NKAPD1: variants seen among roughly 807,000 people sequenced by gnomAD.
NKAPD1 encodes the protein NKAP domain containing 1, also known as uncharacterized protein NKAPD1.
A neutral mutation model predicts 30.9 loss-of-function variants in NKAPD1; 12 were observed. The observed-to-expected ratio is 0.39, with a 90% CI of 0.25 to 0.63. The LOEUF (loss-of-function observed/expected upper bound fraction) is 0.63. Among genes scored for constraint, NKAPD1 ranks in the 20% least tolerant of loss-of-function variants. The pLI is 0.51. For missense variants in NKAPD1, 311 were observed against 344.5 expected, an observed-to-expected ratio of 0.90 and a Z score of 0.77; for synonymous variants, 91 against 113.6, an observed-to-expected ratio of 0.80 and a Z score of 1.26.
Position 112,082,625 on chromosome 11 carries a change from G to T in NKAPD1, c.535G>T (p.Asp179Tyr). The part of the protein sequence containing the change: ...KQKKSKKEAT[D>Y]ITADSSSEFS... ...GAAGAAAAGCAAAAAGGAAGCCACA[G>T]ATATAACAGCAGATTCCTCGAGTGA... Residue 179 changes from aspartate (D) to tyrosine (Y), a missense_variant, in exon 6 of 6, where the codon GAT becomes TAT. By Grantham distance (160) the Asp-to-Tyr change is radical. Transcript: ENST00000393047. The T allele has an allele frequency of 6.2e-7, 1 of 1,613,696 alleles. No homozygotes were observed. The highest frequency in any genetic ancestry group is 1.6e-4 in the Middle Eastern group (1 of 6,062).
At chr11:112,080,625 T>C (rs778604733) in intron 4 of NKAPD1, 67 bp downstream of exon 4, 4 of 1,541,356 alleles carry the variant, frequency 2.6e-6, no homozygotes, top group Admixed American at 2.1e-5. Flanking sequence ...AAATTAATTG[T>C]CCCCACAAAA....
At position 112,082,707 on chromosome 11, in the gene NKAPD1, G is replaced by C. The variant is rs1396120082; in HGVS notation, c.617G>C (p.Arg206Pro). The change falls in exon 6 of 6, where the codon CGC becomes CCC. Residue 206 changes from arginine (R) to proline (P), a missense_variant. Arg to Pro is a moderately radical substitution (Grantham distance 103). Coordinates refer to ENST00000393047, the MANE Select transcript of NKAPD1 (RefSeq NM_018195.4). ...GTRKGKQPHK[R>P]KKKSRKKSLK... ...AGGAAAGGGAAACAACCACATAAAC[G>C]CAAGAAAAAATCCAGGAAAAAGTCT... The C allele has an allele frequency of 6.2e-7, 1 of 1,613,756 alleles. No individual in the cohort carries two copies. Among genetic ancestry groups the C allele is most frequent in the African/African-American group, 1.3e-5 (1 of 74,860 alleles).
chr11:112,075,148 T>C (rs905620988), intron 1 of NKAPD1, among the ~76,000 whole-genome samples: 14 of 152,216 alleles, frequency 9.2e-5, no homozygotes, highest in African/African-American at 2.7e-4. Flanking sequence ...GCAAACTATA[T>C]TGGGATTGGA....
rs1418430358 is a variant in NKAPD1 at position 112,075,590 on chromosome 11, C to A, written c.16C>A (p.Leu6Met). The A allele has an allele frequency of 1.2e-6, 2 of 1,608,334 alleles. No individual in the cohort carries two copies. The highest frequency in any genetic ancestry group is 1.7e-6 in the Non-Finnish European group (2 of 1,178,548). ...AGATTGAAGAATGTCCCGGATTCCA[C>A]TGGGGAAGGTCCTCCTGAGGAATGT... is the stretch of plus-strand genomic sequence containing the variant. MSRIP[L>M]GKVLLRNVIR... The change falls in exon 2 of 6, where the codon CTG becomes ATG. Residue 6 changes from leucine (L) to methionine (M), a missense_variant. By Grantham distance (15) the Leu-to-Met change is conservative (BLOSUM62 2). Transcript: ENST00000393047.
rs1592759289 is a variant in NKAPD1, at chr11:112,074,327, CT to C, written c.-597del. 1.5e-5 allele frequency: 6 copies of C among 399,172 alleles called. No individual in the cohort carries two copies. Among genetic ancestry groups the C allele is most frequent in the African/African-American group, 8.2e-5 (4 of 48,636 alleles). 24.7% of individuals were successfully genotyped at this position (399,172 alleles called of 1,614,324 possible). On this transcript the variant is annotated 5_prime_UTR_variant, in exon 1 of 6. Coordinates refer to ENST00000393047, the MANE Select transcript of NKAPD1 (RefSeq NM_018195.4). ...TTTCTCCCAAACCACTTCTTCCCCC[CT>C]ACCCCCCGCCACGCGAGGCTGCGGC... is the stretch of plus-strand genomic sequence containing the variant.
rs1470023490 is a variant in NKAPD1, at chr11:112,081,899, A to G, written c.321-83A>G. 14 of 1,084,064 alleles carry G rather than the reference A, an allele frequency of 1.3e-5. No individual in the cohort carries two copies. The East Asian group carries it at 3.3e-4, about 26-fold the overall frequency. The allele number at this position is 1,084,064 out of a possible 1,614,324, so 67.2% of individuals were successfully genotyped here. On this transcript the variant is annotated intron_variant, in intron 4 of 5. Coordinates refer to ENST00000393047, the MANE Select transcript of NKAPD1 (RefSeq NM_018195.4). ...TGTGTTTATGTTTGTGTATGCATGTACTCCAAAGTCTTTCTAATGTTGCTT... is the reference window on the plus strand; with the variant it reads ...TGTGTTTATGTTTGTGTATGCATGTGCTCCAAAGTCTTTCTAATGTTGCTT...
chr11:112,080,662 C>T, intron 4 of NKAPD1, 104 bp downstream of exon 4: 1 of 1,331,744 alleles, frequency 7.5e-7, no homozygotes, highest in Non-Finnish European at 1.0e-6. Flanking sequence ...TTCATACCAG[C>T]ATTATTAATA....
intron 5 of NKAPD1, 64 bp downstream of exon 5, chr11:112,082,099 T>C: frequency 1.5e-6 from 2 of 1,378,990 alleles, no homozygotes; most frequent in Non-Finnish European, 2.0e-6. Flanking sequence ...TAAATTGATT[T>C]CTTAACTTTT....
chr11:112,083,216 A>G lies in NKAPD1; in HGVS notation c.*244A>G, dbSNP rs1040889505. 6 of 390,302 alleles carry G rather than the reference A, an allele frequency of 1.5e-5. No individual in the cohort carries two copies. Among genetic ancestry groups the G allele is most frequent in the Admixed American group, 1.2e-4 (3 of 24,060 alleles). 24.2% of individuals were successfully genotyped at this position (390,302 alleles called of 1,614,324 possible). ...AAGAGATTATTTTTTTTTGCAATTA[A>G]TTACGTTTAGTGTAGAGTGCATATA... On this transcript the variant is annotated 3_prime_UTR_variant, in exon 6 of 6. Coordinates refer to ENST00000393047, the MANE Select transcript of NKAPD1 (RefSeq NM_018195.4).
intron 5 of NKAPD1, 124 bp downstream of exon 5, chr11:112,082,159 AT>A: frequency 1.2e-6 from 1 of 841,186 alleles, no homozygotes; most frequent in Non-Finnish European, 1.9e-6. Context: ...ACAATAGGTG[AT>A]TTAGTTAGGA....
intron 2 of NKAPD1, among the ~76,000 whole-genome samples, chr11:112,076,493 C>CG (rs1378836720): frequency 6.6e-6 from 1 of 152,114 alleles, no homozygotes; most frequent in East Asian, 1.9e-4. Context: ...CCTGCATAGT[C>CG]GAAAATCCAT....
At chr11:112,075,331 T>G (rs45557133) in intron 1 of NKAPD1, among the ~76,000 whole-genome samples, 3,092 of 152,306 alleles carry the variant, frequency 0.02, 47 homozygotes, top group South Asian at 0.032. Context: ...GCACTTAATT[T>G]TATGTAGTCT....
Position 112,084,902 on chromosome 11 carries a change from G to C in NKAPD1, c.*1930G>C, listed in dbSNP as rs1034795420. On this transcript the variant is annotated 3_prime_UTR_variant, in exon 6 of 6. Transcript: ENST00000393047. Reference sequence around the variant, plus strand: ...TTCTTAACCCCAAATTTTCTTCTATGCCTTAGGCTTCGATGGTTCTTCCAA... The same window carrying C: ...TTCTTAACCCCAAATTTTCTTCTATCCCTTAGGCTTCGATGGTTCTTCCAA... The C allele has an allele frequency of 3.6e-5, 5 of 140,208 alleles. No homozygotes were observed. Among genetic ancestry groups the C allele is most frequent in the African/African-American group, 1.4e-4 (5 of 36,086 alleles). 8.7% of individuals were successfully genotyped at this position (140,208 alleles called of 1,614,324 possible). A position where few individuals can be genotyped will look rare whatever the true frequency, so the allele number is the denominator to read the frequency against.
At chr11:112,079,272 A>G (rs762201720) in intron 3 of NKAPD1, among the ~76,000 whole-genome samples, 24 of 151,278 alleles carry the variant, frequency 1.6e-4, no homozygotes, top group Admixed American at 4.0e-4. Flanking sequence ...CAGCCTCCCA[A>G]TCAGCTGGGA....
At chr11:112,081,858 T>C in intron 4 of NKAPD1, 124 bp from the exon 5 acceptor site, 1 of 743,532 alleles carries the variant, frequency 1.3e-6, no homozygotes, top group Non-Finnish European at 2.4e-6. Flanking sequence ...GGCTTGGTTC[T>C]ACCATATCTC....
rs552819545 is a variant in NKAPD1, at chr11:112,084,330, G to A, written c.*1358G>A. The A allele has an allele frequency of 1.3e-5, 2 of 152,690 alleles. 1 individual carries two copies. Among genetic ancestry groups the A allele is most frequent in the South Asian group, 4.1e-4 (2 of 4,820 alleles). The allele number at this position is 152,690 out of a possible 1,614,324, so 9.5% of individuals were successfully genotyped here. A position where few individuals can be genotyped will look rare whatever the true frequency, so the allele number is the denominator to read the frequency against. Reference sequence around the variant, plus strand: ...ATTTTTAGTTCTAACTGCTAAATTTGTTCTCTTTACGGGACAGATTTCTAA... The same window carrying A: ...ATTTTTAGTTCTAACTGCTAAATTTATTCTCTTTACGGGACAGATTTCTAA... On this transcript the variant is annotated 3_prime_UTR_variant, in exon 6 of 6. Transcript: ENST00000393047.
chr11:112,076,681 G>A (rs969292598), intron 2 of NKAPD1, among the ~76,000 whole-genome samples: 9 of 152,190 alleles, frequency 5.9e-5, no homozygotes, highest in African/African-American at 2.2e-4. Flanking sequence ...ATCACATTGA[G>A]TAGGCTGAGG....
Position 112,077,667 on chromosome 11 carries a change from TTGTC to T in NKAPD1, c.70-544_70-541del, listed in dbSNP as rs1227967144. Among the ~76,000 whole-genome samples the T allele has an allele frequency of 9.8e-5, 15 of 152,328 alleles. 1 individual carries two copies. The highest frequency in any genetic ancestry group is 2.6e-4 in the Admixed American group (4 of 15,304). On this transcript the variant is annotated intron_variant, in intron 2 of 5. Coordinates refer to ENST00000393047, the MANE Select transcript of NKAPD1 (RefSeq NM_018195.4). Reference sequence around the variant, plus strand: ...AATTGCAAGATTGATAAGGTGATGTTTGTCTGTGCAGCGGTTTAAAAATTCTATT... The same window carrying T: ...AATTGCAAGATTGATAAGGTGATGTTTGTGCAGCGGTTTAAAAATTCTATT...
intron 2 of NKAPD1, among the ~76,000 whole-genome samples, chr11:112,077,852 T>G (rs1017572258): frequency 6.6e-6 from 1 of 151,824 alleles, no homozygotes; most frequent in Non-Finnish European, 1.5e-5. Flanking sequence ...TTTTTTTTTT[T>G]CTTTTTTTGT....
Sources: allele counts gnomAD v4.1 joint callset (sites outside exome capture counted in the v4.1 genomes callset), GRCh38; gene constraint gnomAD v4.1.1; transcripts MANE v1.5; gene names NCBI Gene and HGNC (gene_info 2026-07-23, HGNC 2026-07-21).